Variants in GJB7 observed in about 807,000 individuals in gnomAD.
GJB7 encodes gap junction beta-7 protein.
For missense variants in GJB7, 253 were observed against 256.8 expected, an observed-to-expected ratio of 0.99 and a Z score of 0.10; for synonymous variants, 87 against 95.2, an observed-to-expected ratio of 0.91 and a Z score of 0.50.
intron 2 of GJB7, among the ~76,000 whole-genome samples, chr6:87,290,308 G>A (rs1776145536): frequency 6.6e-6 from 1 of 152,110 alleles, no homozygotes. Flanking sequence ...TCATAACTCT[G>A]TTCTGCCTTG....
At chr6:87,319,154 A>T (rs1175091166) in intron 2 of GJB7, among the ~76,000 whole-genome samples, 2 of 152,238 alleles carry the variant, frequency 1.3e-5, no homozygotes, top group Non-Finnish European at 2.9e-5. Flanking sequence ...TCCTGGAAAT[A>T]TTATTAAATA....
At chr6:87,292,928 A>T (rs940783762) in intron 2 of GJB7, among the ~76,000 whole-genome samples, 3 of 152,258 alleles carry the variant, frequency 2.0e-5, no homozygotes, top group African/African-American at 7.2e-5. Flanking sequence ...GTTTCAGCAC[A>T]GGTTCTCTCT....
chr6:87,327,090 C>G (rs1776841874), intron 1 of GJB7, among the ~76,000 whole-genome samples: 1 of 151,142 alleles, frequency 6.6e-6, no homozygotes, highest in African/African-American at 2.4e-5. Context: ...GGATTGCAAC[C>G]CCTGCTTTTT....
rs547448007 is a variant in GJB7 at position 87,312,869 on chromosome 6, CAG to C, written c.-28+9995_-28+9996del. 6.6e-3 allele frequency among the ~76,000 whole-genome samples: 1,005 copies of C among 152,258 alleles called. 6 individuals are homozygous for C. Among genetic ancestry groups the C allele is most frequent in the South Asian group, 0.012 (58 of 4,814 alleles). ...GTTTATGAGCCATGGCTGAAAGAGA[CAG>C]GGCATTCCTAGTTGCTTGGAATGAG... On this transcript the variant is annotated intron_variant, in intron 2 of 2. Coordinates refer to ENST00000525899, the MANE Select transcript of GJB7 (RefSeq NM_198568.3).
At chr6:87,324,399 T>A (rs1776763982) in intron 1 of GJB7, among the ~76,000 whole-genome samples, 1 of 151,960 alleles carries the variant, frequency 6.6e-6, no homozygotes, top group Non-Finnish European at 1.5e-5. Flanking sequence ...TTTTATGGTT[T>A]TAGGTCTAAC....
intron 1 of GJB7, among the ~76,000 whole-genome samples, chr6:87,325,999 GTGTA>G (rs1158711962): frequency 8.5e-5 from 13 of 152,356 alleles, no homozygotes; most frequent in Non-Finnish European, 1.5e-4. Context: ...TCTTGGGAGA[GTGTA>G]TGTGTCGAGG....
intron 2 of GJB7, chr6:87,299,066 A>C (rs1776284982): frequency 2.0e-6 from 1 of 510,028 alleles, no homozygotes; most frequent in Non-Finnish European, 3.9e-6. Context: ...TGTTGCTAAT[A>C]ACACAAATGA....
intron 2 of GJB7, among the ~76,000 whole-genome samples, chr6:87,303,414 T>C (rs1270822979): frequency 2.0e-5 from 3 of 151,698 alleles, no homozygotes; most frequent in Admixed American, 6.6e-5. Context: ...CCAACAAAGA[T>C]CAAAAGAGAC....
chr6:87,327,043 A>G (rs985181808), intron 1 of GJB7, among the ~76,000 whole-genome samples: 1 of 147,694 alleles, frequency 6.8e-6, no homozygotes, highest in African/African-American at 2.5e-5. Context: ...GTGTCTTTTG[A>G]TCTTTGTTGG....
intron 2 of GJB7, chr6:87,322,288 A>G (rs1486528523): frequency 1.3e-5 from 2 of 152,110 alleles, no homozygotes; most frequent in Non-Finnish European, 2.9e-5. Flanking sequence ...TGAAATAAAC[A>G]TACTTCTAGG....
Position 87,317,647 on chromosome 6 carries a change from T to C in GJB7, c.-28+5219A>G, listed in dbSNP as rs934791366. 9.2e-5 allele frequency among the ~76,000 whole-genome samples: 14 copies of C among 152,108 alleles called. No individual in the cohort carries two copies. In the East Asian group the frequency reaches 2.5e-3, roughly 27 times the overall value. ...GGTTTCATCATTTTAGCCAGGCTGG[T>C]CTTGAACTCCTGACCTCAGGTGATC... On this transcript the variant is annotated intron_variant, in intron 2 of 2. Coordinates refer to ENST00000525899, the MANE Select transcript of GJB7 (RefSeq NM_198568.3).
chr6:87,289,566 T>C (rs1776128221), intron 2 of GJB7, among the ~76,000 whole-genome samples: 2 of 152,218 alleles, frequency 1.3e-5, no homozygotes, highest in Admixed American at 1.3e-4. Context: ...TTCCTGGAGA[T>C]GCATTTTATA....
intron 1 of GJB7, 101 bp from the exon 2 acceptor site, chr6:87,323,144 T>G (rs1315597884): frequency 6.6e-6 from 1 of 151,722 alleles, no homozygotes; most frequent in Non-Finnish European, 1.5e-5. Flanking sequence ...CAGTAGTCCA[T>G]GACATTGGGG....
chr6:87,325,762 A>G (rs1376389945), intron 1 of GJB7, among the ~76,000 whole-genome samples: 3 of 152,226 alleles, frequency 2.0e-5, no homozygotes, highest in Non-Finnish European at 4.4e-5. Flanking sequence ...CTTTCATATC[A>G]GGATGATGCT....
chr6:87,302,251 A>T (rs1776342078), intron 2 of GJB7, among the ~76,000 whole-genome samples: 1 of 152,062 alleles, frequency 6.6e-6, no homozygotes, highest in South Asian at 2.1e-4. Context: ...GGAAGTTCGA[A>T]TGCATCGCAA....
intron 1 of GJB7, among the ~76,000 whole-genome samples, chr6:87,326,859 C>A (rs1776834895): frequency 8.3e-6 from 1 of 120,870 alleles, no homozygotes; most frequent in Non-Finnish European, 1.7e-5. Context: ...CTAATGTTGA[C>A]AGTGGGGTGT....
intron 2 of GJB7, among the ~76,000 whole-genome samples, chr6:87,316,135 C>A (rs575543264): frequency 6.6e-6 from 1 of 152,156 alleles, no homozygotes; most frequent in East Asian, 1.9e-4. Context: ...TTCTCAATTT[C>A]TTCTGTATAC....
chr6:87,305,059 A>T (rs569979068), intron 2 of GJB7, among the ~76,000 whole-genome samples: 1 of 152,358 alleles, frequency 6.6e-6, no homozygotes, highest in Non-Finnish European at 1.5e-5. Flanking sequence ...ACAAACCCAC[A>T]GCCAATATCT....
chr6:87,295,407 ATGACAAG>A (rs1213019589), intron 2 of GJB7, among the ~76,000 whole-genome samples: 1 of 152,192 alleles, frequency 6.6e-6, no homozygotes, highest in Non-Finnish European at 1.5e-5. Flanking sequence ...AATCTGTCAA[ATGACAAG>A]TGTTTTTGAG....
Sources: gnomAD v4.1 joint callset for allele counts (sites outside exome capture counted in the v4.1 genomes callset) on GRCh38, gnomAD v4.1.1 for gene constraint, MANE v1.5 for transcripts, NCBI Gene and HGNC (gene_info 2026-07-23, HGNC 2026-07-21) for gene names.